TAFA2: variants seen among roughly 807,000 people sequenced by gnomAD.
The protein encoded by TAFA2 is chemokine-like protein TAFA-2.
TAFA2 carries 7 observed loss-of-function variants against 18.8 expected under a neutral mutation model. That is an observed-to-expected ratio of 0.37 (90% confidence interval 0.21 to 0.70). The LOEUF (loss-of-function observed/expected upper bound fraction) is 0.70, where lower values mean the gene tolerates loss of function less well. TAFA2 is among the 30% of genes least tolerant of loss of function. TAFA2 has a pLI of 0.53. For synonymous variants in TAFA2, 60 were observed against 54.2 expected (o/e 1.11, Z -0.47); for missense variants, 122 against 158.1 (o/e 0.77, Z 1.23).
At chr12:62,098,688 G>C (rs1224987930) in intron 1 of TAFA2, among the ~76,000 whole-genome samples, 1 of 152,088 alleles carries the variant, frequency 6.6e-6, no homozygotes, top group East Asian at 1.9e-4. Flanking sequence ...CCTCTTGCAA[G>C]AAAATTAGTC....
At chr12:62,247,532 G>A (rs1007629313) in intron 1 of TAFA2, among the ~76,000 whole-genome samples, 5 of 152,114 alleles carry the variant, frequency 3.3e-5, no homozygotes, top group Non-Finnish European at 7.4e-5. Context: ...CATGTTCAAA[G>A]TACAAAACCG....
chr12:62,104,451 G>A (rs921341630), intron 1 of TAFA2, among the ~76,000 whole-genome samples: 4 of 152,150 alleles, frequency 2.6e-5, no homozygotes, highest in African/African-American at 9.6e-5. Flanking sequence ...ATTAGCCCGT[G>A]TCTTTTGTTG....
intron 1 of TAFA2, among the ~76,000 whole-genome samples, chr12:62,094,411 T>A (rs1868855461): frequency 2.0e-5 from 3 of 151,906 alleles, no homozygotes; most frequent in African/African-American, 7.3e-5. Flanking sequence ...ACGTGTGCAA[T>A]AAATTCTCAG....
intron 1 of TAFA2, among the ~76,000 whole-genome samples, chr12:62,089,909 G>A (rs368307577): frequency 6.6e-6 from 1 of 151,994 alleles, no homozygotes; most frequent in Non-Finnish European, 1.5e-5. Flanking sequence ...TTCTTTAATC[G>A]TAGTTGTTTC....
At position 61,709,645 on chromosome 12, in the gene TAFA2, G is replaced by A. The variant is rs1869303106; in HGVS notation, c.*761C>T. 1 of 151,936 alleles carries A rather than the reference G, an allele frequency of 6.6e-6. No individual in the cohort carries two copies. Among genetic ancestry groups the A allele is most frequent in the Non-Finnish European group, 1.5e-5 (1 of 67,956 alleles). 9.4% of individuals were successfully genotyped at this position (151,936 alleles called of 1,614,324 possible). A position where few individuals can be genotyped will look rare whatever the true frequency, so the allele number is the denominator to read the frequency against. ...AAAAACAGAAAGGGAGAGTGCTCTA[G>A]AGGTACAAAGTATTATATAATGAAA... On this transcript the variant is annotated 3_prime_UTR_variant, in exon 5 of 5. Transcript: ENST00000416284.
intron 4 of TAFA2, among the ~76,000 whole-genome samples, chr12:61,715,481 T>C (rs1239731528): frequency 6.6e-6 from 1 of 152,006 alleles, no homozygotes; most frequent in African/African-American, 2.4e-5. Context: ...CCCGAGTAGC[T>C]GGGACCACAG....
intron 1 of TAFA2, among the ~76,000 whole-genome samples, chr12:61,910,858 A>C (rs545051915): frequency 2.4e-4 from 37 of 152,296 alleles, no homozygotes; most frequent in African/African-American, 8.7e-4. Context: ...GCAATTCCGA[A>C]CCATCTGTGT....
intron 1 of TAFA2, among the ~76,000 whole-genome samples, chr12:62,059,035 G>A (rs1463893182): frequency 1.3e-5 from 2 of 151,990 alleles, no homozygotes; most frequent in African/African-American, 4.8e-5. Context: ...CCCGGGAGGC[G>A]GAGCTTGCAG....
intron 2 of TAFA2, among the ~76,000 whole-genome samples, chr12:61,802,148 A>T (rs1458819232): frequency 6.6e-6 from 1 of 152,040 alleles, no homozygotes; most frequent in Non-Finnish European, 1.5e-5. Context: ...GAACTCTTAC[A>T]CATCACTGGT....
intron 4 of TAFA2, among the ~76,000 whole-genome samples, chr12:61,749,740 A>T (rs946408718): frequency 6.6e-6 from 1 of 152,102 alleles, no homozygotes; most frequent in Non-Finnish European, 1.5e-5. Context: ...GTATATGAAA[A>T]GTCAATAGAC....
At chr12:61,748,535 T>C (rs1003883332) in intron 4 of TAFA2, among the ~76,000 whole-genome samples, 11 of 152,106 alleles carry the variant, frequency 7.2e-5, no homozygotes, top group Non-Finnish European at 1.3e-4. Context: ...AAATGAACTT[T>C]TTTCCTCTTG....
rs554999548 is a variant in TAFA2, at chr12:61,726,220, C to T, written c.385-15803G>A. ...ATGTTTTATCTCTAATTGGTGGGCT[C>T]TTTTTTGGTTCCATATGAATTTTAG... is the stretch of plus-strand genomic sequence containing the variant. On this transcript the variant is annotated intron_variant, in intron 4 of 4. Transcript: ENST00000416284. Among the ~76,000 whole-genome samples, 20 of 151,328 alleles carry T rather than the reference C, an allele frequency of 1.3e-4. No homozygotes were observed. The South Asian group carries it at 3.5e-3, about 27-fold the overall frequency.
At chr12:62,252,673 G>C (rs753961248) in intron 1 of TAFA2, 1 of 152,214 alleles carries the variant, frequency 6.6e-6, no homozygotes, top group Non-Finnish European at 1.5e-5. Context: ...TGGTGCTTAA[G>C]CTGATTCTTC....
chr12:61,992,635 A>T (rs1049327125), intron 1 of TAFA2, among the ~76,000 whole-genome samples: 1 of 152,120 alleles, frequency 6.6e-6, no homozygotes, highest in Non-Finnish European at 1.5e-5. Context: ...CATCTTCACC[A>T]TATACCTAAG....
intron 2 of TAFA2, among the ~76,000 whole-genome samples, chr12:61,756,068 G>A (rs1029951884): frequency 1.3e-5 from 2 of 152,032 alleles, no homozygotes; most frequent in African/African-American, 4.8e-5. Context: ...AATGAGATCG[G>A]CACATCATAC....
At chr12:61,767,972 G>A (rs1390596700) in intron 2 of TAFA2, among the ~76,000 whole-genome samples, 2 of 152,044 alleles carry the variant, frequency 1.3e-5, no homozygotes, top group Non-Finnish European at 2.9e-5. Flanking sequence ...AATTAAAATA[G>A]AGAAGCAGTA....
chr12:62,192,434 C>T lies in TAFA2; in HGVS notation c.-1177G>A, dbSNP rs543076324. On this transcript the variant is annotated 5_prime_UTR_variant, in exon 1 of 5. Coordinates refer to ENST00000416284, the MANE Select transcript of TAFA2 (RefSeq NM_178539.5). ...GGGGGAGGGGGCCGAGGAAACAAATCCAGATCACCGGCGGAGAAAGAAGCC... is the reference window on the plus strand; with the variant it reads ...GGGGGAGGGGGCCGAGGAAACAAATTCAGATCACCGGCGGAGAAAGAAGCC... 2 of 152,382 alleles carry T rather than the reference C, an allele frequency of 1.3e-5. No homozygotes were observed. Among genetic ancestry groups the T allele is most frequent in the African/African-American group, 2.4e-5 (1 of 41,442 alleles). The allele number at this position is 152,382 out of a possible 1,614,324, so 9.4% of individuals were successfully genotyped here.
intron 1 of TAFA2, among the ~76,000 whole-genome samples, chr12:61,911,775 A>G (rs1876623176): frequency 6.6e-6 from 1 of 152,182 alleles, no homozygotes; most frequent in African/African-American, 2.4e-5. Flanking sequence ...AATGAGAGAC[A>G]CCAGGAGCTT....
chr12:62,259,054 G>A (rs2062963213), upstream of TAFA2: 1 of 154,926 alleles, frequency 6.5e-6, no homozygotes, highest in African/African-American at 2.4e-5. Flanking sequence ...AAATCATAAT[G>A]CCAATATACA....
Sources: gnomAD v4.1 joint callset for allele counts (sites outside exome capture counted in the v4.1 genomes callset) on GRCh38, gnomAD v4.1.1 for gene constraint, MANE v1.5 for transcripts, NCBI Gene and HGNC (gene_info 2026-07-23, HGNC 2026-07-21) for gene names.